Variants in CFAP20DC observed in about 807,000 individuals in gnomAD.
The protein encoded by CFAP20DC is protein CFAP20DC.
CFAP20DC carries 84 observed loss-of-function variants against 101.7 expected under a neutral mutation model. The observed-to-expected ratio is 0.83, with a 90% CI of 0.69 to 0.99. The LOEUF (loss-of-function observed/expected upper bound fraction) is 0.99, where lower values mean the gene tolerates loss of function less well. CFAP20DC is among the 50% of genes least tolerant of loss of function. The probability of loss-of-function intolerance (pLI) is 0.00; values close to 1 mark genes in which losing one functional copy is unlikely to be tolerated. For missense variants in CFAP20DC, 1,007 were observed against 970.3 expected, an observed-to-expected ratio of 1.04 and a Z score of -0.50; for synonymous variants, 359 against 351.2, an observed-to-expected ratio of 1.02 and a Z score of -0.25.
chr3:58,839,804 AT>A (rs2076977050), intron 13 of CFAP20DC, among the ~76,000 whole-genome samples: 1 of 152,180 alleles, frequency 6.6e-6, no homozygotes, highest in Non-Finnish European at 1.5e-5. Flanking sequence ...CATTAGAGTA[AT>A]GGGCGCACTG....
intron 7 of CFAP20DC, among the ~76,000 whole-genome samples, chr3:58,876,802 T>TA (rs1471395836): frequency 6.6e-6 from 1 of 152,210 alleles, no homozygotes; most frequent in Non-Finnish European, 1.5e-5. Context: ...GCTCAAGACT[T>TA]ACATCTATTA....
In CFAP20DC at chr3:58,869,513, A is replaced by C. The variant is rs112828274; in HGVS notation, c.853-23T>G. The C allele has an allele frequency of 7.1e-3, 10,756 of 1,522,950 alleles. 77 individuals carry two copies. The highest frequency in any genetic ancestry group is 0.017 in the South Asian group (1,286 of 74,686). The allele number at this position is 1,522,950 out of a possible 1,614,324, so 94.3% of individuals were successfully genotyped here. ...TGTCTGTAAAGGAATTAATCTGTACATTTTAAAATATAGCAACTACATTTG... is the reference window on the plus strand; with the variant it reads ...TGTCTGTAAAGGAATTAATCTGTACCTTTTAAAATATAGCAACTACATTTG... On this transcript the variant is annotated intron_variant, in intron 8 of 16. Transcript: ENST00000482387. This position sits in a 1 kb window ranked among gnomAD's most constrained non-coding sequence, Gnocchi z 4.3.
At chr3:58,825,593 A>C (rs1161773649) in intron 14 of CFAP20DC, among the ~76,000 whole-genome samples, 1 of 151,972 alleles carries the variant, frequency 6.6e-6, no homozygotes, top group Non-Finnish European at 1.5e-5. Flanking sequence ...AAAATCCCTC[A>C]CCAAGATAAA....
rs766552891 is a variant in CFAP20DC at position 58,913,796 on chromosome 3, T to A, written c.462A>T (p.Ser154=). ...SEIFKGAVFQ[S]LDGIVVSANC... The stretch of plus-strand genomic sequence containing the variant: ...TAGCTGAGACAACAATTCCATCCAA[T>A]GACTGGAAAACTGCCCCCTTGAATA... The change falls in exon 6 of 17, where the codon TCA becomes TCT. Residue 154 remains serine, a synonymous_variant. Transcript: ENST00000482387. The surrounding 1 kb of genome is among the most constrained non-coding windows in gnomAD (Gnocchi z 4.4). 2 of 1,613,700 alleles carry A rather than the reference T, an allele frequency of 1.2e-6. No homozygotes were observed. Among genetic ancestry groups the A allele is most frequent in the Non-Finnish European group, 1.7e-6 (2 of 1,179,772 alleles).
At chr3:59,012,887 G>A (rs1222801148) in intron 4 of CFAP20DC, among the ~76,000 whole-genome samples, 1 of 152,146 alleles carries the variant, frequency 6.6e-6, no homozygotes, top group Non-Finnish European at 1.5e-5. Flanking sequence ...TGTATGTAAT[G>A]TGGTTTATTA....
intron 4 of CFAP20DC, among the ~76,000 whole-genome samples, chr3:59,038,046 T>C (rs2094134420): frequency 6.6e-6 from 1 of 152,050 alleles, no homozygotes. Context: ...AAACACCACA[T>C]GTTCTCACTC....
At chr3:58,834,656 G>A (rs772886274) in intron 13 of CFAP20DC, among the ~76,000 whole-genome samples, 1 of 152,026 alleles carries the variant, frequency 6.6e-6, no homozygotes, top group Non-Finnish European at 1.5e-5. Context: ...ACCTCTCTAT[G>A]CATCAACTTC....
chr3:58,808,092 T>G (rs1193938011), intron 14 of CFAP20DC, among the ~76,000 whole-genome samples: 2 of 152,324 alleles, frequency 1.3e-5, no homozygotes, highest in East Asian at 3.9e-4. Context: ...GTATGATTGG[T>G]GTACTTGAAA....
chr3:58,963,825 A>G (rs1248226819), intron 4 of CFAP20DC, among the ~76,000 whole-genome samples: 1 of 152,190 alleles, frequency 6.6e-6, no homozygotes, highest in Admixed American at 6.5e-5. Flanking sequence ...GGGGACCCCA[A>G]ACTGAGTTTA....
intron 4 of CFAP20DC, among the ~76,000 whole-genome samples, chr3:58,948,773 A>G (rs1312863278): frequency 2.0e-5 from 3 of 152,138 alleles, no homozygotes; most frequent in Admixed American, 1.3e-4. Context: ...GTCTCTGCCC[A>G]GCTTTGGTAT....
intron 6 of CFAP20DC, among the ~76,000 whole-genome samples, chr3:58,893,563 A>G (rs1156677394): frequency 6.6e-6 from 1 of 152,180 alleles, no homozygotes; most frequent in East Asian, 1.9e-4. Flanking sequence ...AGATTTTTGC[A>G]TCAATGTTCA....
chr3:58,866,860 G>T (rs922185328), intron 10 of CFAP20DC, among the ~76,000 whole-genome samples, 172 bp from the exon 11 acceptor site: 12 of 151,650 alleles, frequency 7.9e-5, no homozygotes, highest in African/African-American at 2.9e-4. Context: ...GTTTTAAGCT[G>T]CATTTTTATA....
At chr3:58,939,004 T>C (rs1160913118) in intron 4 of CFAP20DC, among the ~76,000 whole-genome samples, 1 of 152,168 alleles carries the variant, frequency 6.6e-6, no homozygotes, top group Non-Finnish European at 1.5e-5. Context: ...TATGTAAACA[T>C]AGTATCACAT....
intron 15 of CFAP20DC, among the ~76,000 whole-genome samples, chr3:58,778,462 G>A (rs1469797825): frequency 6.6e-6 from 1 of 152,184 alleles, no homozygotes; most frequent in Non-Finnish European, 1.5e-5. Flanking sequence ...CAGATATGGG[G>A]ACTGACTACT....
intron 5 of CFAP20DC, among the ~76,000 whole-genome samples, chr3:58,916,033 T>C (rs1468249343): frequency 6.6e-6 from 1 of 152,176 alleles, no homozygotes; most frequent in Non-Finnish European, 1.5e-5. Flanking sequence ...TTCTTTCTTG[T>C]GGCCATGTAA....
chr3:58,726,971 C>T, intron 3 of CFAP20DC: 2 of 216,244 alleles, frequency 9.2e-6, no homozygotes, highest in East Asian at 1.8e-4. Context: ...GCGACCCATC[C>T]CTTCCACTCA....
chr3:58,960,283 G>A (rs188579725), intron 4 of CFAP20DC, among the ~76,000 whole-genome samples: 12 of 150,846 alleles, frequency 8.0e-5, no homozygotes, highest in Non-Finnish European at 1.3e-4. Context: ...ACCTGAGGTC[G>A]GGAGTTCGGG....
intron 16 of CFAP20DC, 32 bp from the exon 17 acceptor site, chr3:58,742,604 C>T: frequency 6.5e-7 from 1 of 1,544,750 alleles, no homozygotes; most frequent in Non-Finnish European, 8.8e-7. Flanking sequence ...GACACATTAG[C>T]TGTTGGCTTG....
At chr3:58,982,740 G>A (rs1477627640) in intron 4 of CFAP20DC, among the ~76,000 whole-genome samples, 4 of 149,348 alleles carry the variant, frequency 2.7e-5, no homozygotes, top group Non-Finnish European at 5.9e-5. Flanking sequence ...ATAGCATTAG[G>A]AGACATACCT....
Sources: allele counts gnomAD v4.1 joint callset (sites outside exome capture counted in the v4.1 genomes callset), GRCh38; gene constraint gnomAD v4.1.1; non-coding constraint Gnocchi (gnomAD v3.1); transcripts MANE v1.5; gene names NCBI Gene and HGNC (gene_info 2026-07-23, HGNC 2026-07-21).